MAP3K4: variants seen among roughly 807,000 people sequenced by gnomAD.
MAP3K4 encodes the protein MAP three kinase 1.
In MAP3K4, 67 loss-of-function variants were observed where a neutral mutation model predicts 185.6. The ratio of observed to expected loss-of-function variants is 0.36; its 90% CI spans 0.30 to 0.44. The LOEUF (loss-of-function observed/expected upper bound fraction) is 0.44. Among genes scored for constraint, MAP3K4 ranks in the 20% least tolerant of loss-of-function variants. The probability of loss-of-function intolerance (pLI) is 1.00; values close to 1 mark genes in which losing one functional copy is unlikely to be tolerated. For synonymous variants in MAP3K4, 702 were observed against 710.4 expected, an observed-to-expected ratio of 0.99 and a Z score of 0.19; for missense variants, 1,551 against 1,995.1, an observed-to-expected ratio of 0.78 and a Z score of 4.24.
chr6:161,004,218 C>G (rs529619590), intron 1 of MAP3K4, among the ~76,000 whole-genome samples: 16 of 152,042 alleles, frequency 1.1e-4, no homozygotes, highest in African/African-American at 3.9e-4. Context: ...AAGTTGGGAC[C>G]AAGTCAACAT....
intron 1 of MAP3K4, among the ~76,000 whole-genome samples, chr6:161,019,594 A>G (rs551052698): frequency 7.2e-5 from 11 of 152,136 alleles, no homozygotes; most frequent in Non-Finnish European, 1.6e-4. Context: ...TTTCTAGTAG[A>G]GACAGGGTTT....
Position 161,080,999 on chromosome 6 carries a change from A to G in MAP3K4, c.2216A>G (p.Tyr739Cys), listed in dbSNP as rs1444352865. The G allele has an allele frequency of 6.2e-7, 1 of 1,614,090 alleles. No homozygotes were observed. The highest frequency in any genetic ancestry group is 8.5e-7 in the Non-Finnish European group (1 of 1,180,030). The part of the protein sequence containing the change: ...EWNFTKEITH[Y>C]IRGGEAQAGK... Reference sequence around the variant, plus strand: ...AATTTCACCAAAGAAATAACTCATTACATACGGGGAGGAGAAGCACAGGCC... The same window carrying G: ...AATTTCACCAAAGAAATAACTCATTGCATACGGGGAGGAGAAGCACAGGCC... The change falls in exon 6 of 27, where the codon TAC becomes TGC. Residue 739 changes from tyrosine (Y) to cysteine (C), a missense_variant. Tyr to Cys is a radical substitution (Grantham distance 194). Coordinates refer to ENST00000392142, the MANE Select transcript of MAP3K4 (RefSeq NM_005922.4). This position sits in a 1 kb window ranked among gnomAD's most constrained non-coding sequence, Gnocchi z 4.8.
rs553919370 is a variant in MAP3K4 at position 161,116,785 on chromosome 6, C to T, written c.4807-65C>T. 12 of 1,475,206 alleles carry T rather than the reference C, an allele frequency of 8.1e-6. No individual in the cohort carries two copies. The highest frequency in any genetic ancestry group is 2.3e-5 in the East Asian group (1 of 44,206). 91.4% of individuals were successfully genotyped at this position (1,475,206 alleles called of 1,614,324 possible). On this transcript the variant is annotated intron_variant, in intron 26 of 26. Coordinates refer to ENST00000392142, the MANE Select transcript of MAP3K4 (RefSeq NM_005922.4). The surrounding 1 kb of genome is among the most constrained non-coding windows in gnomAD (Gnocchi z 6.2). ...TGGGGCCTTCCCCGTAAGACTCATA[C>T]TGCGCGTATGCACAAGCACACACCT...
At chr6:161,021,234 T>G (rs1269254768) in intron 1 of MAP3K4, among the ~76,000 whole-genome samples, 1 of 152,232 alleles carries the variant, frequency 6.6e-6, no homozygotes, top group Non-Finnish European at 1.5e-5. Context: ...CTTTTCCCTC[T>G]GTTAGCTACC....
intron 15 of MAP3K4, among the ~76,000 whole-genome samples, chr6:161,095,606 C>T (rs1359254047): frequency 6.6e-6 from 1 of 152,156 alleles, no homozygotes; most frequent in Non-Finnish European, 1.5e-5. Flanking sequence ...TAGGGTGGTT[C>T]GTTTACAATT....
chr6:161,036,949 G>C (rs973424858), intron 2 of MAP3K4, among the ~76,000 whole-genome samples: 13 of 152,326 alleles, frequency 8.5e-5, no homozygotes, highest in African/African-American at 3.1e-4. Context: ...AAGCATTTCA[G>C]ATAAAGGACT....
Position 161,109,158 on chromosome 6 carries a change from T to C in MAP3K4, c.4236+299T>C. 1 of 619,190 alleles carries C rather than the reference T, an allele frequency of 1.6e-6. No homozygotes were observed. 38.4% of individuals were successfully genotyped at this position (619,190 alleles called of 1,614,324 possible). On this transcript the variant is annotated intron_variant, in intron 22 of 26. Coordinates refer to ENST00000392142, the MANE Select transcript of MAP3K4 (RefSeq NM_005922.4). The surrounding 1 kb of genome is among the most constrained non-coding windows in gnomAD (Gnocchi z 5.7). ...CCACTTCTTGTGACTTTTTTTCCGT[T>C]TTTTTGCTGAACCACTGTTGAGTAC... is the stretch of plus-strand genomic sequence containing the variant.
intron 5 of MAP3K4, among the ~76,000 whole-genome samples, chr6:161,078,716 G>A (rs570530552): frequency 6.6e-6 from 1 of 152,242 alleles, no homozygotes; most frequent in African/African-American, 2.4e-5. Context: ...AGAAGTGTTC[G>A]GTGGGTTTTC....
At chr6:161,045,841 C>A (rs1454663037) in intron 2 of MAP3K4, among the ~76,000 whole-genome samples, 1 of 152,124 alleles carries the variant, frequency 6.6e-6, no homozygotes, top group African/African-American at 2.4e-5. Context: ...TTTTATTTCA[C>A]AATTTTTTGT....
At chr6:161,030,653 A>G (rs946544904) in intron 1 of MAP3K4, among the ~76,000 whole-genome samples, 1 of 152,064 alleles carries the variant, frequency 6.6e-6, no homozygotes, top group African/African-American at 2.4e-5. Flanking sequence ...GAGCACAAGC[A>G]ATTTGCCCAC....
At position 161,084,259 on chromosome 6, in the gene MAP3K4, G is replaced by C. The variant is rs10945711; in HGVS notation, c.2256-242G>C. 2.0e-5 allele frequency among the ~76,000 whole-genome samples: 3 copies of C among 152,176 alleles called. No homozygotes were observed. Among genetic ancestry groups the C allele is most frequent in the African/African-American group, 7.2e-5 (3 of 41,420 alleles). ...TAATTCCATAGCTACTATGAATACA[G>C]TTTAAGATTTTAAGGTTTATATTGA... is the stretch of plus-strand genomic sequence containing the variant. On this transcript the variant is annotated intron_variant, in intron 6 of 26. Transcript: ENST00000392142. This position sits in a 1 kb window ranked among gnomAD's most constrained non-coding sequence, Gnocchi z 4.6.
At chr6:161,026,481 A>G (rs770794942) in intron 1 of MAP3K4, among the ~76,000 whole-genome samples, 7 of 152,086 alleles carry the variant, frequency 4.6e-5, no homozygotes, top group African/African-American at 7.2e-5. Flanking sequence ...TCACTATCCT[A>G]TACACATATG....
chr6:161,109,858 T>C lies in MAP3K4; in HGVS notation c.4340T>C (p.Ile1447Thr), dbSNP rs750475277. The stretch of plus-strand genomic sequence containing the variant: ...GTGATTAGGCTGTATTCAAAGCAGA[T>C]CACCATTGCGATCAACGTCCTCCAT... ...EHVIRLYSKQ[I>T]TIAINVLHEH... Residue 1447 changes from isoleucine (I) to threonine (T), a missense_variant, in exon 23 of 27, where the codon ATC (isoleucine) becomes ACC (threonine). Physicochemically the swap from Ile to Thr is moderately conservative, Grantham distance 89. This residue lies in a region of MAP3K4 where 159 missense variants were observed against 300.5 expected (regional missense o/e 0.53). Coordinates refer to ENST00000392142, the MANE Select transcript of MAP3K4 (RefSeq NM_005922.4). The surrounding 1 kb of genome is among the most constrained non-coding windows in gnomAD (Gnocchi z 5.7). 1 of 1,614,100 alleles carries C rather than the reference T, an allele frequency of 6.2e-7. No homozygotes were observed. Among genetic ancestry groups the C allele is most frequent in the Non-Finnish European group, 8.5e-7 (1 of 1,180,004 alleles).
In MAP3K4 at chr6:161,114,152, G is replaced by T. The variant is rs1191140598; in HGVS notation, c.4627-971G>T. 6.6e-6 allele frequency among the ~76,000 whole-genome samples: 1 copy of T among 152,136 alleles called. No individual in the cohort carries two copies. Among genetic ancestry groups the T allele is most frequent in the Non-Finnish European group, 1.5e-5 (1 of 68,028 alleles). Reference sequence around the variant, plus strand: ...TTGGACAGAAATTCCATGTGGTAGGGCTGCTCCGGAGACATTTCCAATCTC... The same window carrying T: ...TTGGACAGAAATTCCATGTGGTAGGTCTGCTCCGGAGACATTTCCAATCTC... On this transcript the variant is annotated intron_variant, in intron 25 of 26. Transcript: ENST00000392142. The surrounding 1 kb of genome is among the most constrained non-coding windows in gnomAD (Gnocchi z 4.3).
rs1293583365 is a variant in MAP3K4 at position 161,086,154 on chromosome 6, C to T, written c.2373-225C>T. On this transcript the variant is annotated intron_variant, in intron 7 of 26. Coordinates refer to ENST00000392142, the MANE Select transcript of MAP3K4 (RefSeq NM_005922.4). This position sits in a 1 kb window ranked among gnomAD's most constrained non-coding sequence, Gnocchi z 4.8. ...ATTATTTGAAGGTTATTAAATGTGC[C>T]CTGCTTACATTGAAAGGATATGAAT... Among the ~76,000 whole-genome samples, 1 of 151,992 alleles carries T rather than the reference C, an allele frequency of 6.6e-6. No individual in the cohort carries two copies. Among genetic ancestry groups the T allele is most frequent in the Non-Finnish European group, 1.5e-5 (1 of 68,020 alleles).
chr6:161,039,165 G>T (rs1285589697), intron 2 of MAP3K4, among the ~76,000 whole-genome samples: 2 of 150,978 alleles, frequency 1.3e-5, no homozygotes, highest in East Asian at 3.9e-4. Context: ...GGTCGGGTTT[G>T]TAGGTTACTT....
chr6:161,111,792 T>G, intron 23 of MAP3K4, 44 bp from the exon 24 acceptor site: 1 of 1,579,438 alleles, frequency 6.3e-7, no homozygotes, highest in Non-Finnish European at 8.6e-7. Flanking sequence ...CTTGCCCACA[T>G]TGTGTTTCAG....
intron 2 of MAP3K4, among the ~76,000 whole-genome samples, chr6:161,044,531 A>ACCG (rs1783630887): frequency 6.6e-6 from 1 of 152,118 alleles, no homozygotes; most frequent in Admixed American, 6.5e-5. Context: ...CCCGCACCCA[A>ACCG]CACCCTAGTG....
At position 161,084,559 on chromosome 6, in the gene MAP3K4, G is replaced by C. The variant is rs777035107; in HGVS notation, c.2314G>C (p.Glu772Gln). 1.2e-6 allele frequency: 2 copies of C among 1,613,296 alleles called. No individual in the cohort carries two copies. Among genetic ancestry groups the C allele is most frequent in the South Asian group, 1.1e-5 (1 of 91,056 alleles). The change falls in exon 7 of 27, where the codon GAG becomes CAG. Residue 772 changes from glutamate to glutamine, a missense_variant. By Grantham distance (29) the Glu-to-Gln change is conservative (BLOSUM62 2). This residue lies in a region of MAP3K4 where 130 missense variants were observed against 171.3 expected (regional missense o/e 0.76). Transcript: ENST00000392142. The surrounding 1 kb of genome is among the most constrained non-coding windows in gnomAD (Gnocchi z 4.6). ...TGSFLEFGLQESCAEFWTSAD... is the reference protein window; with the variant it reads ...TGSFLEFGLQQSCAEFWTSAD... Reference sequence around the variant, plus strand: ...AAGTTTTTTAGAATTTGGCTTACAGGAGAGCTGTGCTGAATTTTGGACTAG... The same window carrying C: ...AAGTTTTTTAGAATTTGGCTTACAGCAGAGCTGTGCTGAATTTTGGACTAG...
Sources: allele counts gnomAD v4.1 joint callset (sites outside exome capture counted in the v4.1 genomes callset), GRCh38; gene constraint gnomAD v4.1.1; regional missense constraint gnomAD v4.1.1; non-coding constraint Gnocchi (gnomAD v3.1); transcripts MANE v1.5; gene names NCBI Gene and HGNC (gene_info 2026-07-23, HGNC 2026-07-21).